The following ERI3 variants were observed in gnomAD, a reference collection of about 807,000 sequenced individuals.
The protein encoded by ERI3 is ERI1 exoribonuclease family member 3.
In ERI3, 18 loss-of-function variants were observed where a neutral mutation model predicts 44.4. The observed-to-expected ratio is 0.41, with a 90% CI of 0.28 to 0.60. The LOEUF (loss-of-function observed/expected upper bound fraction) is 0.60, where lower values mean the gene tolerates loss of function less well. Among genes scored for constraint, ERI3 ranks in the 20% least tolerant of loss-of-function variants. ERI3 has a pLI of 0.36. For synonymous variants in ERI3, 183 were observed against 164.8 expected (o/e 1.11, Z -0.84); for missense variants, 294 against 435.5 (o/e 0.68, Z 2.89).
intron 6 of ERI3, among the ~76,000 whole-genome samples, chr1:44,295,377 T>C (rs985584562): frequency 1.2e-4 from 18 of 152,254 alleles, no homozygotes; most frequent in Admixed American, 8.5e-4. Context: ...TTCATTGTAG[T>C]GTTTTCATAC....
intron 2 of ERI3, among the ~76,000 whole-genome samples, chr1:44,343,873 GA>G (rs1269498486): frequency 1.7e-4 from 26 of 152,120 alleles, no homozygotes; most frequent in Non-Finnish European, 2.6e-4. Flanking sequence ...ATGGTTCAGG[GA>G]AAAAATTCTT....
intron 7 of ERI3, among the ~76,000 whole-genome samples, chr1:44,264,861 T>C (rs1557800531): frequency 6.6e-6 from 1 of 152,208 alleles, no homozygotes; most frequent in Non-Finnish European, 1.5e-5. Flanking sequence ...GCTCAAACTA[T>C]TAGGGTGAGT....
intron 3 of ERI3, among the ~76,000 whole-genome samples, chr1:44,333,056 T>G (rs1457165005): frequency 6.6e-6 from 1 of 152,222 alleles, no homozygotes; most frequent in Non-Finnish European, 1.5e-5. Context: ...CGGGAGCCTG[T>G]ACAAGAACAC....
At chr1:44,325,515 C>T (rs1037977860) in intron 3 of ERI3, among the ~76,000 whole-genome samples, 1 of 152,234 alleles carries the variant, frequency 6.6e-6, no homozygotes, top group Admixed American at 6.5e-5. Context: ...AAGTTGCTTT[C>T]GGGGTATTCA....
intron 3 of ERI3, among the ~76,000 whole-genome samples, chr1:44,336,624 T>C (rs544760209): frequency 7.2e-5 from 11 of 152,360 alleles, no homozygotes; most frequent in African/African-American, 9.6e-5. Context: ...CCCACGCTCT[T>C]CTAGCTGTTT....
intron 7 of ERI3, among the ~76,000 whole-genome samples, chr1:44,281,878 A>ATGTGTGTGTGTGTGTGTGTG (rs10574197): frequency 7.9e-6 from 1 of 127,022 alleles, no homozygotes; most frequent in Non-Finnish European, 1.7e-5. Context: ...ACATGTGCAT[A>ATGTGTGTGTGTGTGTGTGTG]TGTGTGTGTG....
intron 6 of ERI3, among the ~76,000 whole-genome samples, chr1:44,301,855 AG>A (rs1645733274): frequency 6.6e-6 from 1 of 152,360 alleles, no homozygotes; most frequent in East Asian, 1.9e-4. Flanking sequence ...CTAGCCACAT[AG>A]GTGGTTGTAG....
chr1:44,310,963 GCACACA>G (rs58344074), intron 5 of ERI3, among the ~76,000 whole-genome samples: 17,143 of 122,642 alleles, frequency 0.14, 1,489 homozygotes, highest in South Asian at 0.15. Flanking sequence ...GCGCGCGCGC[GCACACA>G]CACACACACA....
chr1:44,226,815 A>ACACACACACACACAC (rs1557764548), intron 8 of ERI3, among the ~76,000 whole-genome samples: 2 of 149,394 alleles, frequency 1.3e-5, no homozygotes, highest in African/African-American at 2.4e-5. Flanking sequence ...ACACACACAC[A>ACACACACACACACAC]AACTATCCTA....
intron 3 of ERI3, among the ~76,000 whole-genome samples, chr1:44,330,797 A>G (rs1646412286): frequency 2.0e-5 from 3 of 152,236 alleles, no homozygotes; most frequent in Admixed American, 2.0e-4. Context: ...ATAAGAGGAT[A>G]AAAAATAATC....
chr1:44,322,999 T>G (rs1314035408), intron 3 of ERI3: 3 of 1,259,208 alleles, frequency 2.4e-6, no homozygotes, highest in Non-Finnish European at 3.1e-6. Context: ...GCTCAGATAA[T>G]GAAACTGTTA....
At chr1:44,288,624 G>A (rs1431284110) in intron 6 of ERI3, among the ~76,000 whole-genome samples, 9 of 152,180 alleles carry the variant, frequency 5.9e-5, no homozygotes, top group Admixed American at 5.9e-4. Context: ...CATACAACAA[G>A]GCAAGGGTAG....
chr1:44,257,358 A>G (rs1644803467), intron 7 of ERI3, among the ~76,000 whole-genome samples: 1 of 146,492 alleles, frequency 6.8e-6, no homozygotes, highest in African/African-American at 2.6e-5. Context: ...GGACCCGATC[A>G]GGAGACAGGG....
chr1:44,231,237 A>T (rs1226816889), intron 8 of ERI3, among the ~76,000 whole-genome samples: 1 of 152,168 alleles, frequency 6.6e-6, no homozygotes, highest in Non-Finnish European at 1.5e-5. Context: ...CGAATTTTGG[A>T]GCATTCTGCA....
At chr1:44,237,905 C>A (rs1644341960) in intron 8 of ERI3, among the ~76,000 whole-genome samples, 1 of 152,068 alleles carries the variant, frequency 6.6e-6, no homozygotes, top group Non-Finnish European at 1.5e-5. Flanking sequence ...CTCCCGGCGG[C>A]CGGCAGCACT....
chr1:44,305,909 T>C (rs940975191), intron 6 of ERI3, among the ~76,000 whole-genome samples: 2 of 152,128 alleles, frequency 1.3e-5, no homozygotes, highest in Non-Finnish European at 2.9e-5. Context: ...AAGTTGTGAG[T>C]GTCAATTTAA....
At chr1:44,234,319 C>A (rs540667011) in intron 8 of ERI3, among the ~76,000 whole-genome samples, 1 of 152,220 alleles carries the variant, frequency 6.6e-6, no homozygotes, top group Non-Finnish European at 1.5e-5. Context: ...CCCTGCCAAT[C>A]TTTCTTCCAT....
chr1:44,242,073 T>C, intron 8 of ERI3: 7 of 985,558 alleles, frequency 7.1e-6, no homozygotes, highest in Non-Finnish European at 8.4e-6. Context: ...GGCAGGCCAG[T>C]GCAGACCCTG....
At chr1:44,236,911 T>G in intron 8 of ERI3, among the ~76,000 whole-genome samples, 1 of 152,150 alleles carries the variant, frequency 6.6e-6, no homozygotes, top group East Asian at 1.9e-4. Context: ...CAACTGGTGA[T>G]TTCTTGATCT....
Sources: gnomAD v4.1 joint callset for allele counts (sites outside exome capture counted in the v4.1 genomes callset) on GRCh38, gnomAD v4.1.1 for gene constraint, MANE v1.5 for transcripts, NCBI Gene and HGNC (gene_info 2026-07-23, HGNC 2026-07-21) for gene names.